Variants in KRABD3 observed in about 807,000 individuals in gnomAD.
KRABD3 encodes the protein KRAB domain containing 3.
the KRABD3 span, chr7:149,733,436 G>A: frequency 6.3e-7 from 1 of 1,592,618 alleles, no homozygotes; most frequent in Non-Finnish European, 8.5e-7. Context: ...GGCTCAGGAA[G>A]TGGCCACCAT....
chr7:149,733,044 G>A, the KRABD3 span, among the ~76,000 whole-genome samples: 2 of 152,202 alleles, frequency 1.3e-5, no homozygotes, highest in Non-Finnish European at 2.9e-5. Context: ...CATGCCATAA[G>A]CATTGGCATC....
At chr7:149,728,566 T>C in the KRABD3 span, 1 of 1,613,736 alleles carries the variant, frequency 6.2e-7, no homozygotes, top group Non-Finnish European at 8.5e-7. Flanking sequence ...TGGAGAATTG[T>C]CTCAAGGAGA....
chr7:149,730,819 T>G, the KRABD3 span: 2 of 549,012 alleles, frequency 3.6e-6, no homozygotes, highest in Non-Finnish European at 6.5e-6. Flanking sequence ...TGTTTGCGCT[T>G]GCTAATATAC....
chr7:149,718,513 C>CTTTTTTTTTTT, the KRABD3 span, among the ~76,000 whole-genome samples: 1 of 81,970 alleles, frequency 1.2e-5, no homozygotes, highest in African/African-American at 5.0e-5. Flanking sequence ...CACTGAAGGA[C>CTTTTTTTTTTT]TTTTTTTTTT....
chr7:149,719,783 G>A, the KRABD3 span: 7 of 1,338,350 alleles, frequency 5.2e-6, no homozygotes, highest in South Asian at 2.9e-5. This position sits in a 1 kb window ranked among gnomAD's most constrained non-coding sequence, Gnocchi z 5.6. Context: ...AAATGAACAC[G>A]GGGATCGTTC....
the KRABD3 span, chr7:149,725,393 C>G: frequency 6.2e-7 from 1 of 1,610,384 alleles, no homozygotes; most frequent in South Asian, 1.1e-5. Flanking sequence ...TCGTCACCTT[C>G]CCAGCTGCCA....
the KRABD3 span, among the ~76,000 whole-genome samples, chr7:149,732,243 G>C: frequency 1.3e-5 from 2 of 152,168 alleles, no homozygotes; most frequent in Non-Finnish European, 2.9e-5. This position sits in a 1 kb window ranked among gnomAD's most constrained non-coding sequence, Gnocchi z 4.0. Flanking sequence ...GTTGGCTTCT[G>C]TCCAGGCGCC....
At chr7:149,731,141 C>T in the KRABD3 span, among the ~76,000 whole-genome samples, 4 of 152,112 alleles carry the variant, frequency 2.6e-5, no homozygotes, top group Admixed American at 1.3e-4. Flanking sequence ...TGCTGGAGGA[C>T]GAGGACGAGG....
the KRABD3 span, chr7:149,715,055 A>T: frequency 8.1e-7 from 1 of 1,229,332 alleles, no homozygotes; most frequent in Non-Finnish European, 1.0e-6. Flanking sequence ...GAGCCCGGGG[A>T]TGGCGCGCCA....
the KRABD3 span, chr7:149,728,539 C>T: frequency 6.2e-7 from 1 of 1,613,468 alleles, no homozygotes; most frequent in Admixed American, 1.7e-5. Context: ...CACCAGGAAG[C>T]TCCCCACTGC....
the KRABD3 span, chr7:149,720,844 C>A: frequency 1.3e-6 from 2 of 1,590,042 alleles, no homozygotes; most frequent in South Asian, 1.1e-5. Flanking sequence ...GGGGGACAGC[C>A]CCGGCACAGC....
At chr7:149,722,484 A>G in the KRABD3 span, 1 of 813,282 alleles carries the variant, frequency 1.2e-6, no homozygotes. Flanking sequence ...CGGGGAGCCC[A>G]GCCCTCCCAC....
the KRABD3 span, chr7:149,715,199 C>A: frequency 2.5e-6 from 3 of 1,220,450 alleles, no homozygotes; most frequent in South Asian, 4.2e-5. Flanking sequence ...CTCAGGGGTT[C>A]GTGCCGGGAA....
At chr7:149,716,873 T>A in the KRABD3 span, among the ~76,000 whole-genome samples, 1 of 152,214 alleles carries the variant, frequency 6.6e-6, no homozygotes, top group Admixed American at 6.5e-5. Context: ...TATTCCTGTA[T>A]TTGTTTTGTC....
the KRABD3 span, chr7:149,724,706 T>C: frequency 6.5e-7 from 1 of 1,550,336 alleles, no homozygotes; most frequent in Non-Finnish European, 8.7e-7. Flanking sequence ...GCTGGCGGTC[T>C]GCTCTCTGTG....
At chr7:149,719,927 AG>A in the KRABD3 span, 1 of 1,438,116 alleles carries the variant, frequency 7.0e-7, no homozygotes, top group Non-Finnish European at 9.2e-7. This position sits in a 1 kb window ranked among gnomAD's most constrained non-coding sequence, Gnocchi z 5.6. Flanking sequence ...ACAGACCTGC[AG>A]GGGCCTGGGC....
the KRABD3 span, chr7:149,721,092 C>A: frequency 1.4e-6 from 2 of 1,439,914 alleles, no homozygotes; most frequent in Non-Finnish European, 1.9e-6. Context: ...CAGGCACAGG[C>A]CGGGAGGCAG....
the KRABD3 span, chr7:149,715,007 A>T: frequency 1.6e-6 from 2 of 1,220,876 alleles, no homozygotes; most frequent in East Asian, 3.2e-5. Flanking sequence ...CGCCCGCGCC[A>T]GGGCCCGCGC....
chr7:149,722,153 G>C, the KRABD3 span: 1 of 503,742 alleles, frequency 2.0e-6, no homozygotes, highest in Non-Finnish European at 3.6e-6. Context: ...GTGTGAGATT[G>C]TGGCCTACAT....
Sources: gnomAD v4.1 joint callset for allele counts (sites outside exome capture counted in the v4.1 genomes callset) on GRCh38, gnomAD v4.1.1 for gene constraint, Gnocchi (gnomAD v3.1) non-coding constraint, MANE v1.5 for transcripts, NCBI Gene and HGNC (gene_info 2026-07-23, HGNC 2026-07-21) for gene names.